Variants in ANKUB1 observed in about 807,000 individuals in gnomAD.
The protein encoded by ANKUB1 is ankyrin repeat and ubiquitin domain containing 1.
Under a neutral mutation model 49.3 loss-of-function variants are expected in ANKUB1, and 42 were observed. That is an observed-to-expected ratio of 0.85 (90% CI 0.67 to 1.10). The LOEUF is 1.10. Among genes scored for constraint, ANKUB1 ranks in the 50% least tolerant of loss-of-function variants. The pLI is 0.00. For missense variants in ANKUB1, 613 were observed against 642.0 expected (o/e 0.95, Z 0.49); for synonymous variants, 222 against 231.0 (o/e 0.96, Z 0.35).
At chr3:149,791,233 G>A (rs972309814) in intron 1 of ANKUB1, among the ~76,000 whole-genome samples, 1 of 152,122 alleles carries the variant, frequency 6.6e-6, no homozygotes, top group African/African-American at 2.4e-5. Flanking sequence ...ACCAATAGAA[G>A]TCACAGATGT....
chr3:149,762,554 G>T (rs1213275510), intron 5 of ANKUB1, among the ~76,000 whole-genome samples: 1 of 152,048 alleles, frequency 6.6e-6, no homozygotes, highest in Non-Finnish European at 1.5e-5. Context: ...TGTTGTTCTA[G>T]TCCAGGTCTT....
At chr3:149,783,526 T>A (rs1033419720) in intron 2 of ANKUB1, 1 of 152,226 alleles carries the variant, frequency 6.6e-6, no homozygotes, top group African/African-American at 2.4e-5. Context: ...AATGCAAACT[T>A]ACTGTAAATT....
At chr3:149,787,054 G>A (rs960409590) in intron 2 of ANKUB1, among the ~76,000 whole-genome samples, 11 of 152,184 alleles carry the variant, frequency 7.2e-5, no homozygotes, top group Admixed American at 1.3e-4. Context: ...TTGGCAATGC[G>A]GGCTCTTTTT....
intron 3 of ANKUB1, among the ~76,000 whole-genome samples, chr3:149,777,471 AAAAC>A (rs1717651667): frequency 7.0e-6 from 1 of 142,370 alleles, no homozygotes; most frequent in South Asian, 2.4e-4. Context: ...CTGTGACTCA[AAAAC>A]AAACAACAAC....
chr3:149,781,813 G>T (rs1184906133), intron 2 of ANKUB1, among the ~76,000 whole-genome samples: 1 of 152,194 alleles, frequency 6.6e-6, no homozygotes, highest in Non-Finnish European at 1.5e-5. Context: ...AGTGACTGAA[G>T]TGATTAGGAA....
rs764656218 is a variant in ANKUB1 at position 149,767,374 on chromosome 3, T to A, written c.1288A>T (p.Ile430Phe). ...QKHQQQNQKKITATARKKEKL... is the reference protein window; with the variant it reads ...QKHQQQNQKKFTATARKKEKL... ...TCTTTTTTCCTAGCTGTGGCAGTAATTTTTTTCTGATTTTGTTGTTGATGT... is the reference window on the plus strand; with the variant it reads ...TCTTTTTTCCTAGCTGTGGCAGTAAATTTTTTCTGATTTTGTTGTTGATGT... The change falls in exon 5 of 6, where the codon ATT becomes TTT. Residue 430 changes from isoleucine to phenylalanine, a missense_variant. Coordinates refer to ENST00000446160, the MANE Select transcript of ANKUB1 (RefSeq NM_001144960.3). 5.8e-6 allele frequency: 9 copies of A among 1,550,744 alleles called. No individual in the cohort carries two copies. The highest frequency in any genetic ancestry group is 3.9e-5 in the Admixed American group (2 of 50,776).
intron 5 of ANKUB1, among the ~76,000 whole-genome samples, chr3:149,763,160 A>T (rs1716850110): frequency 6.6e-6 from 1 of 152,116 alleles, no homozygotes; most frequent in Admixed American, 6.6e-5. Flanking sequence ...TGCCCTCTAA[A>T]CTGAGTTAAC....
chr3:149,768,753 C>A (rs137992899), intron 4 of ANKUB1, among the ~76,000 whole-genome samples: 2 of 151,988 alleles, frequency 1.3e-5, no homozygotes, highest in African/African-American at 4.8e-5. Context: ...ACGTTGGCCA[C>A]GCTGGTGTCG....
At chr3:149,765,442 A>G (rs1335067429) in intron 5 of ANKUB1, among the ~76,000 whole-genome samples, 1 of 152,068 alleles carries the variant, frequency 6.6e-6, no homozygotes. Flanking sequence ...AGTGGTCCTT[A>G]TGGATTTTAC....
intron 1 of ANKUB1, 33 bp downstream of exon 1, chr3:149,792,244 T>C (rs1169867280): frequency 1.4e-6 from 2 of 1,409,446 alleles, no homozygotes; most frequent in Non-Finnish European, 1.9e-6. Flanking sequence ...AAAATTAATA[T>C]ACATTTTGGT....
At position 149,768,801 on chromosome 3, in the gene ANKUB1, C is replaced by T. The variant is rs1372344076; in HGVS notation, c.567-706G>A. Among the ~76,000 whole-genome samples the T allele has an allele frequency of 2.0e-5, 3 of 151,558 alleles. No homozygotes were observed. The East Asian group carries it at 5.9e-4, about 30-fold the overall frequency. ...CAAGTGATCTGCCCACCTTGGCCTC[C>T]CAAAGTAATGGGATTACAGGTGTGA... On this transcript the variant is annotated intron_variant, in intron 4 of 5. Transcript: ENST00000446160.
chr3:149,790,234 T>G (rs916337645), intron 2 of ANKUB1, among the ~76,000 whole-genome samples: 3 of 152,204 alleles, frequency 2.0e-5, no homozygotes, highest in African/African-American at 7.2e-5. Flanking sequence ...TTAGGGTTTT[T>G]TAAGGTTCTT....
chr3:149,780,285 C>T lies in ANKUB1; in HGVS notation c.405G>A (p.Leu135=). ...SVYCLRTPRG[L]EMYDCNTLKD... ...TGAGGGTGTTGCAATCATACATCTC[C>T]AGGCCCCTTGGGGTTCGGAGACAGT... is the stretch of plus-strand genomic sequence containing the variant. The change falls in exon 3 of 6, where the codon CTG becomes CTA. Residue 135 remains leucine, a synonymous_variant. Transcript: ENST00000446160. The T allele has an allele frequency of 1.3e-6, 2 of 1,551,692 alleles. No homozygotes were observed. Among genetic ancestry groups the T allele is most frequent in the East Asian group, 2.4e-5 (1 of 40,918 alleles).
intron 2 of ANKUB1, among the ~76,000 whole-genome samples, chr3:149,790,086 A>G (rs1257490667): frequency 3.9e-5 from 6 of 152,202 alleles, no homozygotes; most frequent in Non-Finnish European, 8.8e-5. Flanking sequence ...TAAAGCACTA[A>G]CACAGGATAA....
rs201965685 is a variant in ANKUB1, at chr3:149,768,004, C to T, written c.658G>A (p.Glu220Lys). 4.5e-4 allele frequency: 676 copies of T among 1,506,596 alleles called. 2 individuals carry two copies. Among genetic ancestry groups the T allele is most frequent in the East Asian group, 9.9e-4 (40 of 40,432 alleles). 93.3% of individuals were successfully genotyped at this position (1,506,596 alleles called of 1,614,324 possible). A position where few individuals can be genotyped will look rare whatever the true frequency, so the allele number is the denominator to read the frequency against. ...WALKQGARPH[E>K]AVGVHPYRAW... ...CGATAGGGGTGAACACCGACTGCCT[C>T]GTGGGGCCGCGCACCCTGCTTCAGG... is the stretch of plus-strand genomic sequence containing the variant. The change falls in exon 5 of 6, where the codon GAG becomes AAG. Residue 220 changes from glutamate (E) to lysine (K), a missense_variant. By Grantham distance (56) the Glu-to-Lys change is moderately conservative (BLOSUM62 1). Transcript: ENST00000446160.
intron 3 of ANKUB1, 42 bp downstream of exon 3, chr3:149,780,197 T>C: frequency 6.6e-7 from 1 of 1,515,510 alleles, no homozygotes; most frequent in Non-Finnish European, 9.0e-7. Flanking sequence ...CAAAGGACCC[T>C]AGTGCCAAAT....
At chr3:149,770,309 A>G (rs1353831342) in intron 4 of ANKUB1, among the ~76,000 whole-genome samples, 1 of 152,140 alleles carries the variant, frequency 6.6e-6, no homozygotes, top group Non-Finnish European at 1.5e-5. Flanking sequence ...GCATTGTTCA[A>G]AGGTTAATTG....
chr3:149,766,483 A>G (rs1348983098), intron 5 of ANKUB1: 2 of 192,248 alleles, frequency 1.0e-5, no homozygotes, highest in African/African-American at 4.7e-5. Flanking sequence ...GAAGACAAAG[A>G]AGTGGAAGAG....
Position 149,790,761 on chromosome 3 carries a change from TATTATCCTGACCATC to T in ANKUB1, c.234+5_234+19del. 6.5e-7 allele frequency: 1 copy of T among 1,540,334 alleles called. No homozygotes were observed. The highest frequency in any genetic ancestry group is 8.7e-7 in the Non-Finnish European group (1 of 1,143,028). ...AAATGAGATAGATATCTTAGACGAA[TATTATCCTGACCATC>T]ATACCTTAACAAAGCATTTGAGAGT... On this transcript the variant is annotated splice_donor_5th_base_variant and intron_variant, in intron 2 of 5. Transcript: ENST00000446160.
Sources: allele counts gnomAD v4.1 joint callset (sites outside exome capture counted in the v4.1 genomes callset), GRCh38; gene constraint gnomAD v4.1.1; transcripts MANE v1.5; gene names NCBI Gene and HGNC (gene_info 2026-07-23, HGNC 2026-07-21).